Variants in LRP5 observed in about 807,000 individuals in gnomAD.
LRP5 encodes the protein low-density lipoprotein receptor-related protein 5.
LRP5 carries 62 observed loss-of-function variants against 154.1 expected under a neutral mutation model. The ratio of observed to expected loss-of-function variants is 0.40; its 90% CI spans 0.33 to 0.50. The LOEUF is 0.50. Ranked by LOEUF, LRP5 falls within the 20% of genes least tolerant of loss-of-function variation. The pLI, the probability that LRP5 is intolerant of heterozygous loss-of-function variation, is 0.55. For missense variants in LRP5, 1,915 were observed against 2,336.7 expected (o/e 0.82, Z 3.72); for synonymous variants, 966 against 1,011.5 (o/e 0.96, Z 0.85).
At chr11:68,408,073 TTTG>T (rs370643540) in intron 9 of LRP5, among the ~76,000 whole-genome samples, 29 of 151,902 alleles carry the variant, frequency 1.9e-4, no homozygotes, top group East Asian at 7.7e-4. Flanking sequence ...TTTTCTGCTT[TTTG>T]TTGTTGTTGT....
rs555377782 is a variant in LRP5 at position 68,396,080 on chromosome 11, G to A, written c.1584+6028G>A. The stretch of plus-strand genomic sequence containing the variant: ...TGCCAGCTGTGTCCCAGGCAATGGC[G>A]GGGACAGTGGCTGCTGCTGGGGTTG... On this transcript the variant is annotated intron_variant, in intron 7 of 22. Transcript: ENST00000294304. 1.3e-3 allele frequency among the ~76,000 whole-genome samples: 197 copies of A among 152,162 alleles called. 1 individual carries two copies. The highest frequency in any genetic ancestry group is 2.0e-3 in the Non-Finnish European group (138 of 67,996).
chr11:68,306,923 C>T, the LRP5 span, among the ~76,000 whole-genome samples: 1 of 152,218 alleles, frequency 6.6e-6, no homozygotes, highest in African/African-American at 2.4e-5. Flanking sequence ...GTGCCTGGCT[C>T]ATTCATCCTC....
chr11:68,329,655 C>T (rs2098601628), intron 1 of LRP5, among the ~76,000 whole-genome samples: 1 of 152,202 alleles, frequency 6.6e-6, no homozygotes, highest in South Asian at 2.1e-4. Context: ...GACTCTGCCA[C>T]TCCTCTCGCC....
At chr11:68,383,004 A>G (rs537731077) in intron 5 of LRP5, among the ~76,000 whole-genome samples, 1 of 151,990 alleles carries the variant, frequency 6.6e-6, no homozygotes, top group Non-Finnish European at 1.5e-5. Flanking sequence ...CAGCCTCCCA[A>G]GTAGCTGGAA....
chr11:68,408,451 GA>G (rs1200931084), intron 9 of LRP5, among the ~76,000 whole-genome samples: 1 of 151,628 alleles, frequency 6.6e-6, no homozygotes, highest in African/African-American at 2.4e-5. Context: ...GTTCTTTGTA[GA>G]AAAAAAAATA....
At chr11:68,414,095 A>G in intron 12 of LRP5, 83 bp downstream of exon 12, 1 of 1,326,650 alleles carries the variant, frequency 7.5e-7, no homozygotes, top group Non-Finnish European at 1.1e-6. Flanking sequence ...GGAGCTTCTC[A>G]TCTGGGGTTC....
intron 1 of LRP5, among the ~76,000 whole-genome samples, chr11:68,328,803 T>C (rs1446990811): frequency 6.6e-6 from 1 of 152,174 alleles, no homozygotes; most frequent in Non-Finnish European, 1.5e-5. Flanking sequence ...CTTGCCCTTT[T>C]CCTTTTCTGT....
chr11:68,398,148 G>A (rs1020013554), intron 7 of LRP5, among the ~76,000 whole-genome samples: 22 of 152,144 alleles, frequency 1.4e-4, no homozygotes, highest in Non-Finnish European at 3.1e-4. Flanking sequence ...CTTTAAACAC[G>A]TGCTGTCAGA....
chr11:68,448,968 G>C lies in LRP5; in HGVS notation c.4746G>C (p.Gln1582His), dbSNP rs775843550. The change falls in exon 23 of 23, where the codon CAG (glutamine) becomes CAC (histidine). Residue 1582 changes from glutamine (Q) to histidine (H), a missense_variant. By Grantham distance (24) the Gln-to-His change is conservative. Transcript: ENST00000294304. Reference sequence around the variant, plus strand: ...CACCCCCACCCACGCCCCACAGCCAGTACCTGTCGGCGGAGGACAGCTGCC... The same window carrying C: ...CACCCCCACCCACGCCCCACAGCCACTACCTGTCGGCGGAGGACAGCTGCC... ...PYPPPPTPHS[Q>H]YLSAEDSCPP... 2 of 1,611,892 alleles carry C rather than the reference G, an allele frequency of 1.2e-6. No individual in the cohort carries two copies. The highest frequency in any genetic ancestry group is 8.5e-7 in the Non-Finnish European group (1 of 1,179,908).
At chr11:68,380,023 C>CG (rs2098639438) in intron 5 of LRP5, among the ~76,000 whole-genome samples, 1 of 152,200 alleles carries the variant, frequency 6.6e-6, no homozygotes, top group Non-Finnish European at 1.5e-5. Flanking sequence ...ATCCCAGCTA[C>CG]TCAGGAGGCT....
chr11:68,367,748 C>T (rs759685206), intron 5 of LRP5, among the ~76,000 whole-genome samples: 4 of 152,020 alleles, frequency 2.6e-5, no homozygotes, highest in African/African-American at 7.2e-5. Flanking sequence ...AGAGAATCAC[C>T]GGAATATGGC....
intron 10 of LRP5, 113 bp downstream of exon 10, chr11:68,410,253 G>A: frequency 2.4e-6 from 2 of 850,920 alleles, no homozygotes; most frequent in East Asian, 2.6e-5. Flanking sequence ...GATTAGAGCT[G>A]TACTGACGTC....
chr11:68,325,907 G>A (rs1208015850), intron 1 of LRP5, among the ~76,000 whole-genome samples: 2 of 152,228 alleles, frequency 1.3e-5, no homozygotes, highest in Non-Finnish European at 2.9e-5. Flanking sequence ...GCTCAGTGAC[G>A]GTTAGCTGTT....
intron 17 of LRP5, among the ~76,000 whole-genome samples, 158 bp downstream of exon 17, chr11:68,429,858 T>C (rs2098670959): frequency 6.6e-6 from 1 of 152,276 alleles, no homozygotes; most frequent in Non-Finnish European, 1.5e-5. Context: ...TTTTCTACTA[T>C]GTGCATTCGG....
chr11:68,330,278 T>C (rs2098602012), intron 1 of LRP5, among the ~76,000 whole-genome samples: 1 of 148,930 alleles, frequency 6.7e-6, no homozygotes, highest in Admixed American at 6.7e-5. Flanking sequence ...TGCAATGAGA[T>C]ACAGACGTTC....
intron 5 of LRP5, among the ~76,000 whole-genome samples, chr11:68,375,189 G>A (rs539065778): frequency 6.6e-6 from 1 of 152,152 alleles, no homozygotes; most frequent in Non-Finnish European, 1.5e-5. Flanking sequence ...TCCTTGTTTC[G>A]TTTCACTGAC....
intron 1 of LRP5, among the ~76,000 whole-genome samples, chr11:68,340,709 G>A (rs113692513): frequency 2.0e-5 from 3 of 151,982 alleles, no homozygotes; most frequent in African/African-American, 7.2e-5. Flanking sequence ...TGTGATGTAC[G>A]GTCCTGAAAA....
Position 68,312,617 on chromosome 11 carries a change from G to T in LRP5, c.-98G>T, listed in dbSNP as rs551018389. The T allele has an allele frequency of 4.3e-5, 18 of 422,066 alleles. No homozygotes were observed. The highest frequency in any genetic ancestry group is 2.7e-4 in the South Asian group (3 of 11,018). 26.1% of individuals were successfully genotyped at this position (422,066 alleles called of 1,614,324 possible). On this transcript the variant is annotated 5_prime_UTR_variant, in exon 1 of 23. Transcript: ENST00000294304. ...TCGTCCTGGTCCGCGGCGCCCGAGGGGGGAGGCGGAGGCGCCGGGAGCCGC... is the reference window on the plus strand; with the variant it reads ...TCGTCCTGGTCCGCGGCGCCCGAGGTGGGAGGCGGAGGCGCCGGGAGCCGC...
chr11:68,342,494 A>G (rs2098609729), intron 1 of LRP5, among the ~76,000 whole-genome samples: 2 of 152,180 alleles, frequency 1.3e-5, no homozygotes, highest in Non-Finnish European at 2.9e-5. Context: ...ACCCACACAG[A>G]GCTCTCCCAT....
Sources: allele counts gnomAD v4.1 joint callset (sites outside exome capture counted in the v4.1 genomes callset), GRCh38; gene constraint gnomAD v4.1.1; transcripts MANE v1.5; gene names NCBI Gene and HGNC (gene_info 2026-07-23, HGNC 2026-07-21).